The following CCDC40 variants were observed in gnomAD, a reference collection of about 807,000 sequenced individuals.
The protein encoded by CCDC40 is coiled-coil domain 40 molecular ruler complex subunit, also known as coiled-coil domain-containing protein 40.
CCDC40 carries 104 observed loss-of-function variants against 124.5 expected under a neutral mutation model. That is an observed-to-expected ratio of 0.84 (90% CI 0.71 to 0.98). CCDC40 has a LOEUF of 0.98. Among genes scored for constraint, CCDC40 ranks in the 50% least tolerant of loss-of-function variants. The pLI, the probability that CCDC40 is intolerant of heterozygous loss-of-function variation, is 0.00. For synonymous variants in CCDC40, 580 were observed against 602.9 expected (o/e 0.96, Z 0.56); for missense variants, 1,463 against 1,503.9 (o/e 0.97, Z 0.45).
chr17:80,074,285 C>T lies in CCDC40; in HGVS notation c.1563-7261C>T, dbSNP rs1344221253. 2.0e-5 allele frequency among the ~76,000 whole-genome samples: 3 copies of T among 152,244 alleles called. No homozygotes were observed. In the East Asian group the frequency reaches 5.8e-4, roughly 29 times the overall value. On this transcript the variant is annotated intron_variant, in intron 10 of 19. Coordinates refer to ENST00000397545, the MANE Select transcript of CCDC40 (RefSeq NM_017950.4). ...CAGCACTTTGGAAGGCCCAGGCAGG[C>T]GGATCACGAGGTCAGGAGATCAAGA...
intron 9 of CCDC40, among the ~76,000 whole-genome samples, chr17:80,063,667 A>G (rs1468644980): frequency 2.0e-5 from 3 of 152,218 alleles, no homozygotes; most frequent in South Asian, 4.1e-4. Context: ...TCCAAAGGAA[A>G]GGGAATCCGT....
intron 17 of CCDC40, among the ~76,000 whole-genome samples, chr17:80,094,302 C>G (rs900291317): frequency 1.3e-5 from 2 of 151,072 alleles, no homozygotes; most frequent in African/African-American, 4.9e-5. Context: ...ATCCTAACTA[C>G]TTGGGAGGCT....
rs769092437 is a variant in CCDC40 at position 80,036,702 on chromosome 17, C to G, written c.29+11C>G. ...CGGCGCGGCGGGCCGGTAAGCCGGG[C>G]CGAGGGGCAGCGGGTCTTGGAGTCG... On this transcript the variant is annotated intron_variant, in intron 1 of 19. Transcript: ENST00000397545. 1.5e-4 allele frequency: 224 copies of G among 1,464,146 alleles called. 2 individuals are homozygous for G. The highest frequency in any genetic ancestry group is 8.2e-4 in the South Asian group (62 of 75,914). The allele number at this position is 1,464,146 out of a possible 1,614,324, so 90.7% of individuals were successfully genotyped here. A position where few individuals can be genotyped will look rare whatever the true frequency, so the allele number is the denominator to read the frequency against.
At chr17:80,073,870 AT>A (rs1426532798) in intron 10 of CCDC40, among the ~76,000 whole-genome samples, 3 of 148,812 alleles carry the variant, frequency 2.0e-5, no homozygotes, top group Admixed American at 1.3e-4. Flanking sequence ...TAATTTTTGT[AT>A]GTTAGTAGAG....
chr17:80,091,064 T>C (rs1182162118), intron 17 of CCDC40, among the ~76,000 whole-genome samples: 1 of 152,134 alleles, frequency 6.6e-6, no homozygotes, highest in African/African-American at 2.4e-5. Flanking sequence ...GCTGCAGGGA[T>C]AAGGCCTCTC....
chr17:80,047,089 A>G (rs552482636), intron 3 of CCDC40, among the ~76,000 whole-genome samples, 190 bp from the exon 4 acceptor site: 2 of 152,230 alleles, frequency 1.3e-5, no homozygotes, highest in South Asian at 2.1e-4. Context: ...CAAGCGATCC[A>G]CCCGCCTTGG....
rs926657576 is a variant in CCDC40, at chr17:80,058,094, C to T, written c.1160-400C>T. On this transcript the variant is annotated intron_variant, in intron 7 of 19. Transcript: ENST00000397545. This position sits in a 1 kb window ranked among gnomAD's most constrained non-coding sequence, Gnocchi z 4.2. Reference sequence around the variant, plus strand: ...GAGCTCAGCCTGCCCTGGATGTTCTCGTCTCCTCCCAGGGGACTTAAGACT... The same window carrying T: ...GAGCTCAGCCTGCCCTGGATGTTCTTGTCTCCTCCCAGGGGACTTAAGACT... Among the ~76,000 whole-genome samples the T allele has an allele frequency of 2.0e-5, 3 of 152,188 alleles. No homozygotes were observed. Among genetic ancestry groups the T allele is most frequent in the African/African-American group, 7.2e-5 (3 of 41,536 alleles).
intron 12 of CCDC40, among the ~76,000 whole-genome samples, chr17:80,082,868 A>T (rs1417816763): frequency 6.6e-6 from 1 of 152,256 alleles, no homozygotes; most frequent in African/African-American, 2.4e-5. Flanking sequence ...GGACCAACAC[A>T]TTCGTCTATT....
At chr17:80,080,152 C>A (rs1011347298) in intron 10 of CCDC40, among the ~76,000 whole-genome samples, 1 of 151,782 alleles carries the variant, frequency 6.6e-6, no homozygotes, top group South Asian at 2.1e-4. Context: ...TGAGATCATG[C>A]CATTGCACTC....
intron 10 of CCDC40, chr17:80,065,971 C>G: frequency 1.6e-6 from 1 of 637,522 alleles, no homozygotes; most frequent in East Asian, 2.7e-5. Flanking sequence ...ATTGTTCTGC[C>G]TGAGGGCTGC....
chr17:80,050,210 G>A lies in CCDC40; in HGVS notation c.1086G>A (p.Lys362=), dbSNP rs757791498. 1 of 1,610,060 alleles carries A rather than the reference G, an allele frequency of 6.2e-7. No homozygotes were observed. Among genetic ancestry groups the A allele is most frequent in the Non-Finnish European group, 8.5e-7 (1 of 1,179,114 alleles). The change falls in exon 7 of 20, where the codon AAG becomes AAA. Residue 362 remains lysine (K), a synonymous_variant. Coordinates refer to ENST00000397545, the MANE Select transcript of CCDC40 (RefSeq NM_017950.4). ...TGGCCTCGAGCGAGCGCAGGCAGAA[G>A]GAGGAGGAGCTGCAGGCCGCCCGCG... The part of the protein sequence containing the change: ...HAMASSERRQ[K]EEELQAARAL...
intron 19 of CCDC40, chr17:80,097,915 GAAAAGAAAAGAAAAGAAAAGAAAAGAAAA>G (rs2038840163): frequency 3.8e-5 from 1 of 26,632 alleles, no homozygotes; most frequent in African/African-American, 2.1e-4. Context: ...GAAAAGAAAA[GAAAAGAAAAGAAAAGAAAAGAAAAGAAAA>G]GAAAAGAAAA....
In CCDC40 at chr17:80,066,131, G is replaced by A. The variant is rs1357387031; in HGVS notation, c.1562+525G>A. On this transcript the variant is annotated intron_variant, in intron 10 of 19. Coordinates refer to ENST00000397545, the MANE Select transcript of CCDC40 (RefSeq NM_017950.4). The surrounding 1 kb of genome is among the most constrained non-coding windows in gnomAD (Gnocchi z 4.4). The stretch of plus-strand genomic sequence containing the variant: ...CTTCATTCCTAAAACCACCCAGGGT[G>A]ACCAGGTCTCGGGACGCGGAAAGAA... 2 of 702,976 alleles carry A rather than the reference G, an allele frequency of 2.8e-6. No homozygotes were observed. The highest frequency in any genetic ancestry group is 3.0e-5 in the South Asian group (2 of 67,588). 43.5% of individuals were successfully genotyped at this position (702,976 alleles called of 1,614,324 possible).
intron 3 of CCDC40, among the ~76,000 whole-genome samples, chr17:80,045,508 G>A (rs1325385550): frequency 2.6e-5 from 4 of 152,000 alleles, no homozygotes; most frequent in Non-Finnish European, 5.9e-5. Context: ...GTTCGAGACC[G>A]GCCTGGGTAA....
rs773046353 is a variant in CCDC40 at position 80,058,534 on chromosome 17, T to C, written c.1200T>C (p.His400=). ...CTGAGATGGAGAACTTGGCCCTGCA[T>C]CTCTTCTACATGCAGAACATCGACC... ...LQTEMENLAL[H]LFYMQNIDQD... is the part of the protein sequence containing the mutation. Residue 400 remains histidine, a synonymous_variant, in exon 8 of 20, where the codon CAT becomes CAC. Coordinates refer to ENST00000397545, the MANE Select transcript of CCDC40 (RefSeq NM_017950.4). The surrounding 1 kb of genome is among the most constrained non-coding windows in gnomAD (Gnocchi z 4.2). 18 of 1,614,092 alleles carry C rather than the reference T, an allele frequency of 1.1e-5. No individual in the cohort carries two copies. The highest frequency in any genetic ancestry group is 1.5e-5 in the Non-Finnish European group (18 of 1,180,008).
chr17:80,099,412 A>T, intron 19 of CCDC40, 115 bp from the exon 20 acceptor site: 1 of 1,237,086 alleles, frequency 8.1e-7, no homozygotes, highest in Non-Finnish European at 1.2e-6. Flanking sequence ...GTCCCTTTTC[A>T]GGCGTAGGTC....
In CCDC40 at chr17:80,065,487, C is replaced by T; in HGVS notation, c.1443C>T (p.Ala481=). The T allele has an allele frequency of 6.2e-7, 1 of 1,612,224 alleles. No homozygotes were observed. The highest frequency in any genetic ancestry group is 1.1e-5 in the South Asian group (1 of 91,004). ...GCCCCCTCCCCTGTTGGCTGCAGGC[C>T]TGCACCGAGATCGACGCCATCAGCG... ...TRILRKAVSE[A]CTEIDAISVE... Residue 481 remains alanine (A), a splice_region_variant and synonymous_variant, in exon 10 of 20, where the codon GCC becomes GCT. Transcript: ENST00000397545.
At position 80,047,386 on chromosome 17, in the gene CCDC40, C is replaced by G; in HGVS notation, c.660C>G (p.Phe220Leu). The change falls in exon 4 of 20, where the codon TTC (phenylalanine) becomes TTG (leucine). Residue 220 changes from phenylalanine (F) to leucine (L), a missense_variant. Phe to Leu is a conservative substitution (Grantham distance 22). Coordinates refer to ENST00000397545, the MANE Select transcript of CCDC40 (RefSeq NM_017950.4). ...SDIESSDLEE[F>L]VSQEPVIPPG... ...TCGAGTCCTCAGACCTGGAGGAGTT[C>G]GTCTCGCAGGAGCCAGGTGCCACCC... is the stretch of plus-strand genomic sequence containing the variant. The G allele has an allele frequency of 6.2e-7, 1 of 1,612,902 alleles. No individual in the cohort carries two copies. Among genetic ancestry groups the G allele is most frequent in the Non-Finnish European group, 8.5e-7 (1 of 1,179,616 alleles).
At chr17:80,072,914 G>A (rs1428824443) in intron 10 of CCDC40, among the ~76,000 whole-genome samples, 3 of 151,690 alleles carry the variant, frequency 2.0e-5, no homozygotes, top group East Asian at 1.9e-4. Flanking sequence ...ACGTGTTTCC[G>A]TTTCTCCCGG....
Sources: allele counts gnomAD v4.1 joint callset (sites outside exome capture counted in the v4.1 genomes callset), GRCh38; gene constraint gnomAD v4.1.1; non-coding constraint Gnocchi (gnomAD v3.1); transcripts MANE v1.5; gene names NCBI Gene and HGNC (gene_info 2026-07-23, HGNC 2026-07-21).